PLPPR5: variants seen among roughly 807,000 people sequenced by gnomAD.
The protein encoded by PLPPR5 is phospholipid phosphatase related 5.
PLPPR5 carries 16 observed loss-of-function variants against 33.9 expected under a neutral mutation model. That is an observed-to-expected ratio of 0.47 (90% CI 0.32 to 0.72). PLPPR5 has a LOEUF of 0.72. Among genes scored for constraint, PLPPR5 ranks in the 30% least tolerant of loss-of-function variants. PLPPR5 has a pLI of 0.03. For synonymous variants in PLPPR5, 163 were observed against 150.3 expected (o/e 1.08, Z -0.62); for missense variants, 301 against 406.7 (o/e 0.74, Z 2.23).
chr1:98,980,237 C>T (rs918953481), intron 1 of PLPPR5, among the ~76,000 whole-genome samples: 1 of 152,078 alleles, frequency 6.6e-6, no homozygotes, highest in African/African-American at 2.4e-5. Context: ...TTTTGTTCCT[C>T]ATAGTGTGTT....
At chr1:98,893,815 C>G (rs765414703) in intron 5 of PLPPR5, among the ~76,000 whole-genome samples, 38 of 151,712 alleles carry the variant, frequency 2.5e-4, no homozygotes, top group Non-Finnish European at 4.3e-4. Flanking sequence ...TGACTGACAA[C>G]CCCAACAAAT....
At chr1:98,984,952 T>A (rs1652199946) in intron 1 of PLPPR5, among the ~76,000 whole-genome samples, 1 of 152,028 alleles carries the variant, frequency 6.6e-6, no homozygotes, top group Admixed American at 6.6e-5. Context: ...ATATCTTTCT[T>A]GTATTGAGCT....
chr1:98,947,018 C>A (rs1215138507), intron 3 of PLPPR5, among the ~76,000 whole-genome samples: 1 of 152,108 alleles, frequency 6.6e-6, no homozygotes, highest in Non-Finnish European at 1.5e-5. Context: ...ACAGCCCTAT[C>A]TTATAATGTC....
Position 98,989,504 on chromosome 1 carries a change from C to T in PLPPR5, c.237+14931G>A, listed in dbSNP as rs1043815189. 9.9e-5 allele frequency among the ~76,000 whole-genome samples: 15 copies of T among 152,194 alleles called. No individual in the cohort carries two copies. The East Asian group carries it at 2.7e-3, about 28-fold the overall frequency. Reference sequence around the variant, plus strand: ...TAACAGTAACAGAGTTGTGGTAATGCTCCAATCTACCAAAAGTAAGAGTGT... The same window carrying T: ...TAACAGTAACAGAGTTGTGGTAATGTTCCAATCTACCAAAAGTAAGAGTGT... On this transcript the variant is annotated intron_variant, in intron 1 of 5. Transcript: ENST00000263177.
At chr1:98,953,590 A>C (rs1433850393) in intron 2 of PLPPR5, among the ~76,000 whole-genome samples, 1 of 152,176 alleles carries the variant, frequency 6.6e-6, no homozygotes, top group African/African-American at 2.4e-5. Context: ...AGATAAAATA[A>C]GAACATGTAT....
chr1:98,910,719 G>A (rs1220458047), intron 5 of PLPPR5, among the ~76,000 whole-genome samples: 1 of 152,014 alleles, frequency 6.6e-6, no homozygotes, highest in Non-Finnish European at 1.5e-5. Context: ...CCCACAGCAG[G>A]TGCACTAACA....
At chr1:98,935,530 C>T (rs534619341) in intron 3 of PLPPR5, among the ~76,000 whole-genome samples, 1 of 152,008 alleles carries the variant, frequency 6.6e-6, no homozygotes, top group African/African-American at 2.4e-5. Flanking sequence ...TAGAAAGTAC[C>T]CAATAAGAAA....
rs572968803 is a variant in PLPPR5 at position 98,922,713 on chromosome 1, C to T, written c.622-655G>A. ...ATAAAACACTTAAGTAGGCCGGGCG[C>T]GGTGGCTCACTCCTGTAATCCCAGC... On this transcript the variant is annotated intron_variant, in intron 3 of 5. Coordinates refer to ENST00000263177, the MANE Select transcript of PLPPR5 (RefSeq NM_001037317.2). Among the ~76,000 whole-genome samples, 23 of 152,224 alleles carry T rather than the reference C, an allele frequency of 1.5e-4. No individual in the cohort carries two copies. The South Asian group carries it at 1.9e-3, about 12-fold the overall frequency.
intron 4 of PLPPR5, among the ~76,000 whole-genome samples, chr1:98,917,723 T>C (rs1474766125): frequency 5.3e-5 from 8 of 152,220 alleles, no homozygotes; most frequent in Non-Finnish European, 1.2e-4. Flanking sequence ...TTTTTGTTTG[T>C]TTGCTTTTTG....
At chr1:98,897,456 C>A (rs1381128685) in intron 5 of PLPPR5, among the ~76,000 whole-genome samples, 1 of 152,138 alleles carries the variant, frequency 6.6e-6, no homozygotes, top group Non-Finnish European at 1.5e-5. Flanking sequence ...ATTCAAAGTA[C>A]TGGTTTATTT....
intron 3 of PLPPR5, among the ~76,000 whole-genome samples, chr1:98,948,379 G>A (rs529628505): frequency 1.6e-4 from 25 of 152,268 alleles, no homozygotes; most frequent in Admixed American, 2.6e-4. Context: ...TGAGGAAGGG[G>A]AGAGAGGGAA....
At chr1:98,986,928 T>C (rs1387592533) in intron 1 of PLPPR5, among the ~76,000 whole-genome samples, 2 of 151,838 alleles carry the variant, frequency 1.3e-5, no homozygotes, top group Non-Finnish European at 2.9e-5. Flanking sequence ...TGATTCCCTA[T>C]GCTTCAAATT....
chr1:98,998,785 A>C (rs916559247), intron 1 of PLPPR5, among the ~76,000 whole-genome samples: 1 of 152,200 alleles, frequency 6.6e-6, no homozygotes, highest in Non-Finnish European at 1.5e-5. Context: ...AATGAATTTA[A>C]ATAATTAGAG....
chr1:98,998,753 T>C (rs1409511814), intron 1 of PLPPR5, among the ~76,000 whole-genome samples: 3 of 152,190 alleles, frequency 2.0e-5, no homozygotes, highest in African/African-American at 7.2e-5. Context: ...TTCATAAATT[T>C]GTTGTGAAAA....
chr1:98,899,483 C>A (rs1001579983), intron 5 of PLPPR5, among the ~76,000 whole-genome samples: 1 of 152,118 alleles, frequency 6.6e-6, no homozygotes, highest in Admixed American at 6.5e-5. Context: ...AGATGCTGTC[C>A]TTTCACTGGC....
At chr1:98,928,869 A>C (rs1184887011) in intron 3 of PLPPR5, among the ~76,000 whole-genome samples, 4 of 152,022 alleles carry the variant, frequency 2.6e-5, no homozygotes, top group Non-Finnish European at 5.9e-5. Flanking sequence ...CAATAAAATG[A>C]TAATATCATG....
intron 5 of PLPPR5, among the ~76,000 whole-genome samples, chr1:98,901,884 CTA>C (rs1648706526): frequency 6.6e-6 from 1 of 151,952 alleles, no homozygotes; most frequent in South Asian, 2.1e-4. Flanking sequence ...AAGCAATAAT[CTA>C]TGTCTAACAA....
chr1:99,001,675 T>G (rs200411372), intron 1 of PLPPR5, among the ~76,000 whole-genome samples: 52 of 55,978 alleles, frequency 9.3e-4, no homozygotes, highest in East Asian at 2.9e-3. Context: ...GTTAAAGATA[T>G]ATATATATAT....
upstream of PLPPR5, chr1:99,005,027 C>T (rs538413640): frequency 1.0e-4 from 16 of 153,186 alleles, no homozygotes; most frequent in African/African-American, 3.8e-4. Flanking sequence ...GAAGCAGCGG[C>T]GCTGGGTCAA....
Sources: allele counts gnomAD v4.1 joint callset (sites outside exome capture counted in the v4.1 genomes callset), GRCh38; gene constraint gnomAD v4.1.1; transcripts MANE v1.5; gene names NCBI Gene and HGNC (gene_info 2026-07-23, HGNC 2026-07-21).